Variants in SMOC1 observed in about 807,000 individuals in gnomAD.
SMOC1 encodes SPARC-related modular calcium-binding protein 1.
In SMOC1, 22 loss-of-function variants were observed where a neutral mutation model predicts 56.3. The observed-to-expected ratio is 0.39, with a 90% CI of 0.28 to 0.56. SMOC1 has a LOEUF of 0.56. SMOC1 is among the 20% of genes least tolerant of loss of function. The pLI is 0.61. For missense variants in SMOC1, 509 were observed against 565.4 expected, an observed-to-expected ratio of 0.90 and a Z score of 1.01; for synonymous variants, 193 against 215.0, an observed-to-expected ratio of 0.90 and a Z score of 0.89.
chr14:69,910,781 G>T (rs1361957810), intron 1 of SMOC1, among the ~76,000 whole-genome samples: 1 of 152,102 alleles, frequency 6.6e-6, no homozygotes, highest in Non-Finnish European at 1.5e-5. Context: ...ATTTTCCATG[G>T]CCTGACTTGT....
intron 7 of SMOC1, among the ~76,000 whole-genome samples, chr14:70,002,653 T>C (rs114331882): frequency 1.6e-3 from 243 of 152,288 alleles, no homozygotes; most frequent in African/African-American, 5.7e-3. Flanking sequence ...TGGAAAGCCA[T>C]GGTAGCAGGG....
At chr14:70,012,245 C>A (rs957484420) in intron 9 of SMOC1, among the ~76,000 whole-genome samples, 2 of 152,214 alleles carry the variant, frequency 1.3e-5, no homozygotes, top group African/African-American at 4.8e-5. Context: ...CAGGGATTTT[C>A]CACACGAGGT....
At chr14:69,999,996 C>T (rs531876953) in intron 7 of SMOC1, among the ~76,000 whole-genome samples, 45 of 152,262 alleles carry the variant, frequency 3.0e-4, no homozygotes, top group African/African-American at 9.9e-4. Context: ...AGCAAAACTA[C>T]GTGCCCTGGT....
Position 70,010,802 on chromosome 14 carries a change from C to A in SMOC1, c.713C>A (p.Ala238Asp). The part of the protein sequence containing the change: ...DQERQSALEE[A>D]QQNPREGIVI... The stretch of plus-strand genomic sequence containing the variant: ...GAGAGGCAGAGTGCCCTGGAAGAGG[C>A]CCAGCAGAATCCCCGTGAGGGTATT... The change falls in exon 8 of 12, where the codon GCC (alanine) becomes GAC (aspartate). Residue 238 changes from alanine to aspartate, a missense_variant. Ala to Asp is a moderately radical substitution (Grantham distance 126). Coordinates refer to ENST00000361956, the MANE Select transcript of SMOC1 (RefSeq NM_001034852.3). 1.2e-6 allele frequency: 2 copies of A among 1,614,202 alleles called. No individual in the cohort carries two copies. The highest frequency in any genetic ancestry group is 1.7e-5 in the Admixed American group (1 of 60,026).
intron 1 of SMOC1, among the ~76,000 whole-genome samples, chr14:69,910,602 T>C (rs1482249190): frequency 1.3e-5 from 2 of 152,034 alleles, no homozygotes; most frequent in African/African-American, 4.8e-5. Flanking sequence ...TGAAGGATTT[T>C]TTTTTTTTTG....
At chr14:69,955,033 G>A (rs924107499) in intron 3 of SMOC1, among the ~76,000 whole-genome samples, 1 of 152,158 alleles carries the variant, frequency 6.6e-6, no homozygotes, top group African/African-American at 2.4e-5. Flanking sequence ...TTAAACTGAC[G>A]TTTGTTGCCG....
At chr14:70,028,513 C>A (rs903685292) in intron 11 of SMOC1, among the ~76,000 whole-genome samples, 1 of 152,200 alleles carries the variant, frequency 6.6e-6, no homozygotes, top group Non-Finnish European at 1.5e-5. Flanking sequence ...CAAATAAAGT[C>A]GCTCTGAGGA....
chr14:69,985,169 A>G (rs1373448362), intron 5 of SMOC1, among the ~76,000 whole-genome samples: 1 of 152,214 alleles, frequency 6.6e-6, no homozygotes, highest in African/African-American at 2.4e-5. Flanking sequence ...AGCCACAGGA[A>G]ATGCAAAATA....
At chr14:70,020,397 A>G (rs1212895738) in intron 10 of SMOC1, among the ~76,000 whole-genome samples, 3 of 152,178 alleles carry the variant, frequency 2.0e-5, no homozygotes, top group African/African-American at 7.2e-5. Context: ...TACCCAGCTT[A>G]CAGGTAGAGG....
intron 1 of SMOC1, among the ~76,000 whole-genome samples, chr14:69,900,373 G>C (rs929682778): frequency 1.3e-5 from 2 of 152,194 alleles, no homozygotes; most frequent in Non-Finnish European, 2.9e-5. Flanking sequence ...AAAATTTATT[G>C]AGCTACTGCT....
chr14:69,953,297 G>T, intron 2 of SMOC1, 123 bp from the exon 3 acceptor site: 1 of 849,346 alleles, frequency 1.2e-6, no homozygotes, highest in Non-Finnish European at 2.0e-6. Context: ...TTTTAGGGTT[G>T]GACAAGCCAG....
At chr14:70,011,319 G>C (rs908148065) in intron 8 of SMOC1, among the ~76,000 whole-genome samples, 166 bp from the exon 9 acceptor site, 1 of 152,162 alleles carries the variant, frequency 6.6e-6, no homozygotes, top group Non-Finnish European at 1.5e-5. Context: ...TGGGAACATT[G>C]ATGCTAAGAT....
intron 10 of SMOC1, among the ~76,000 whole-genome samples, chr14:70,015,216 G>A (rs1194325383): frequency 1.3e-5 from 2 of 151,302 alleles, no homozygotes; most frequent in African/African-American, 2.4e-5. Context: ...ATGATTCCAC[G>A]TACATGAGGT....
At chr14:69,997,116 G>A (rs534442781) in intron 7 of SMOC1, among the ~76,000 whole-genome samples, 7 of 152,298 alleles carry the variant, frequency 4.6e-5, no homozygotes, top group African/African-American at 1.7e-4. Flanking sequence ...TGAAATAGAA[G>A]CATTTGGATG....
At chr14:69,956,970 T>A (rs1380430) in intron 3 of SMOC1, among the ~76,000 whole-genome samples, 75,039 of 152,036 alleles carry the variant, frequency 0.49, 19,799 homozygotes, top group African/African-American at 0.68. Context: ...CACTTTTGTA[T>A]GGACTTCATC....
rs777641387 is a variant in SMOC1, at chr14:69,953,421, T to G, written c.267T>G (p.Asp89Glu). Residue 89 changes from aspartate to glutamate, a missense_variant and splice_region_variant, in exon 3 of 12, where the codon GAT (aspartate) becomes GAG (glutamate). This residue lies in a region of SMOC1 where 315 missense variants were observed against 333.1 expected (regional missense o/e 0.95). Coordinates refer to ENST00000361956, the MANE Select transcript of SMOC1 (RefSeq NM_001034852.3). ...AAATCTGCTCCTCTCCTCTTTCAGA[T>G]GCTGGCCAGAGCAAGTGTCGCCTGG... The part of the protein sequence containing the change: ...LGVVHRGRCK[D>E]AGQSKCRLER... 2 of 1,614,112 alleles carry G rather than the reference T, an allele frequency of 1.2e-6. No homozygotes were observed. Among genetic ancestry groups the G allele is most frequent in the Non-Finnish European group, 8.5e-7 (1 of 1,179,912 alleles).
chr14:69,981,232 A>AG (rs147059353), intron 5 of SMOC1, among the ~76,000 whole-genome samples: 3 of 151,462 alleles, frequency 2.0e-5, no homozygotes, highest in African/African-American at 7.3e-5. Context: ...TGGGGGAAGG[A>AG]GGGGGAGACA....
chr14:70,009,744 C>CATGTATGTATTTT (rs1202345462), intron 7 of SMOC1, among the ~76,000 whole-genome samples: 1 of 152,140 alleles, frequency 6.6e-6, no homozygotes, highest in Non-Finnish European at 1.5e-5. Context: ...CGTGTATTTC[C>CATGTATGTATTTT]ATGTATGTAT....
chr14:70,019,776 G>GA (rs1885644056), intron 10 of SMOC1, among the ~76,000 whole-genome samples: 1 of 152,154 alleles, frequency 6.6e-6, no homozygotes, highest in South Asian at 2.1e-4. Flanking sequence ...ACTCCCCCAG[G>GA]AAAAATCTCA....
Sources: allele counts gnomAD v4.1 joint callset (sites outside exome capture counted in the v4.1 genomes callset), GRCh38; gene constraint gnomAD v4.1.1; regional missense constraint gnomAD v4.1.1; transcripts MANE v1.5; gene names NCBI Gene and HGNC (gene_info 2026-07-23, HGNC 2026-07-21).